Variants in PLCE1 observed in about 807,000 individuals in gnomAD.
The protein encoded by PLCE1 is 1-phosphatidylinositol 4,5-bisphosphate phosphodiesterase epsilon-1.
A neutral mutation model predicts 242.8 loss-of-function variants in PLCE1; 119 were observed. The observed-to-expected ratio is 0.49, with a 90% CI of 0.42 to 0.57. The LOEUF (loss-of-function observed/expected upper bound fraction) is 0.57. PLCE1 is among the 20% of genes least tolerant of loss of function. The pLI is 0.00. For missense variants in PLCE1, 2,441 were observed against 2,788.8 expected, an observed-to-expected ratio of 0.88 and a Z score of 2.81; for synonymous variants, 945 against 1,017.4, an observed-to-expected ratio of 0.93 and a Z score of 1.35.
chr10:94,052,733 G>A (rs2043799381), intron 2 of PLCE1, among the ~76,000 whole-genome samples: 1 of 151,962 alleles, frequency 6.6e-6, no homozygotes, highest in Admixed American at 6.6e-5. Context: ...TTATGGCTTT[G>A]GGAATAAAGG....
At chr10:94,002,389 C>T (rs770304663) in intron 1 of PLCE1, among the ~76,000 whole-genome samples, 1 of 152,144 alleles carries the variant, frequency 6.6e-6, no homozygotes, top group Non-Finnish European at 1.5e-5. Context: ...TGCAGGCATG[C>T]AAGCCCAGAT....
At chr10:94,239,630 G>A (rs2050436029) in intron 7 of PLCE1, among the ~76,000 whole-genome samples, 1 of 152,124 alleles carries the variant, frequency 6.6e-6, no homozygotes, top group Admixed American at 6.5e-5. Flanking sequence ...CCATTTCAGA[G>A]GCAATCCTCA....
At chr10:94,145,594 C>T (rs926488395) in intron 3 of PLCE1, among the ~76,000 whole-genome samples, 2 of 152,146 alleles carry the variant, frequency 1.3e-5, no homozygotes. Context: ...CCACTATTCT[C>T]CCTTGGCCCG....
intron 20 of PLCE1, among the ~76,000 whole-genome samples, chr10:94,282,164 G>C: frequency 6.7e-6 from 1 of 148,432 alleles, no homozygotes; most frequent in African/African-American, 2.5e-5. Flanking sequence ...CAGGGTGCCC[G>C]GTTTATCTCT....
Position 93,997,780 on chromosome 10 carries a change from G to A in PLCE1, c.-365+3522G>A, listed in dbSNP as rs139504994. Among the ~76,000 whole-genome samples the A allele has an allele frequency of 2.6e-3, 399 of 152,142 alleles. 2 individuals are homozygous for A. The highest frequency in any genetic ancestry group is 9.1e-3 in the African/African-American group (377 of 41,514). On this transcript the variant is annotated intron_variant, in intron 1 of 32. Transcript: ENST00000371380. The stretch of plus-strand genomic sequence containing the variant: ...GGATAGTTCAACCACCGTAATAGAC[G>A]TGCTTAGCAATTGTTTAGCTTGCCC...
At chr10:94,271,761 A>T (rs929917529) in intron 18 of PLCE1, among the ~76,000 whole-genome samples, 1 of 152,188 alleles carries the variant, frequency 6.6e-6, no homozygotes, top group South Asian at 2.1e-4. Context: ...GTTTCAACGT[A>T]GGTTCTTTCT....
intron 4 of PLCE1, among the ~76,000 whole-genome samples, chr10:94,197,150 A>G (rs1434768449): frequency 6.6e-6 from 1 of 152,196 alleles, no homozygotes; most frequent in Non-Finnish European, 1.5e-5. Context: ...GTTCATCAGC[A>G]TTGTAGCATG....
chr10:94,225,776 T>G (rs1175003146), intron 4 of PLCE1, among the ~76,000 whole-genome samples: 1 of 152,136 alleles, frequency 6.6e-6, no homozygotes, highest in Non-Finnish European at 1.5e-5. Flanking sequence ...TCTGGAAAAA[T>G]GGGGTTGCAC....
intron 3 of PLCE1, among the ~76,000 whole-genome samples, chr10:94,168,572 A>C (rs1464114698): frequency 6.6e-6 from 1 of 152,086 alleles, no homozygotes; most frequent in Non-Finnish European, 1.5e-5. Context: ...TTTATTCTTT[A>C]ATTTATTTGG....
At chr10:94,321,843 T>G in intron 29 of PLCE1, 58 bp from the exon 30 acceptor site, 2 of 1,357,582 alleles carry the variant, frequency 1.5e-6, no homozygotes, top group Non-Finnish European at 2.1e-6. Flanking sequence ...GCTAGATTTG[T>G]CTTTCTTTAT....
intron 4 of PLCE1, among the ~76,000 whole-genome samples, chr10:94,221,029 G>T (rs975578414): frequency 3.3e-5 from 5 of 152,190 alleles, no homozygotes; most frequent in Admixed American, 3.3e-4. Context: ...ACAATTTTGC[G>T]CTGGTACTAC....
At chr10:94,018,614 A>G (rs1358688504) in intron 1 of PLCE1, among the ~76,000 whole-genome samples, 1 of 152,218 alleles carries the variant, frequency 6.6e-6, no homozygotes, top group Non-Finnish European at 1.5e-5. Flanking sequence ...CTGTTGCACA[A>G]TTAGTATGCT....
At chr10:93,998,183 C>T (rs185911785) in intron 1 of PLCE1, among the ~76,000 whole-genome samples, 45 of 152,320 alleles carry the variant, frequency 3.0e-4, no homozygotes, top group African/African-American at 1.0e-3. Context: ...TTCTCCTCCT[C>T]AAGTAGTGGC....
chr10:94,256,169 A>G, intron 11 of PLCE1, among the ~76,000 whole-genome samples: 1 of 151,574 alleles, frequency 6.6e-6, no homozygotes, highest in Non-Finnish European at 1.5e-5. Context: ...CAAAAAGTAA[A>G]ACAATTAGCG....
At chr10:94,109,523 G>A (rs950012822) in intron 2 of PLCE1, among the ~76,000 whole-genome samples, 17 of 152,126 alleles carry the variant, frequency 1.1e-4, no homozygotes, top group African/African-American at 4.1e-4. Context: ...CAGGAGAATC[G>A]CTTGAACCTG....
chr10:94,204,603 G>C (rs1404796359), intron 4 of PLCE1, among the ~76,000 whole-genome samples: 1 of 152,040 alleles, frequency 6.6e-6, no homozygotes, highest in African/African-American at 2.4e-5. Flanking sequence ...GGTGGCGGAG[G>C]TTACAGTGAG....
At chr10:94,065,005 A>G (rs976349023) in intron 2 of PLCE1, among the ~76,000 whole-genome samples, 1 of 152,192 alleles carries the variant, frequency 6.6e-6, no homozygotes, top group African/African-American at 2.4e-5. Flanking sequence ...CACCAGGTTT[A>G]GTCCTAGCCT....
intron 4 of PLCE1, among the ~76,000 whole-genome samples, chr10:94,190,929 A>T (rs1221284330): frequency 1.3e-5 from 2 of 152,176 alleles, no homozygotes; most frequent in African/African-American, 4.8e-5. Flanking sequence ...CTAAGACATA[A>T]AGTGGGAGAG....
At position 94,132,343 on chromosome 10, in the gene PLCE1, G is replaced by A. The variant is rs1173503822; in HGVS notation, c.1376G>A (p.Arg459Lys). The A allele has an allele frequency of 6.2e-7, 1 of 1,613,912 alleles. No individual in the cohort carries two copies. Among genetic ancestry groups the A allele is most frequent in the African/African-American group, 1.3e-5 (1 of 74,894 alleles). The change falls in exon 3 of 33, where the codon AGG becomes AAG. Residue 459 changes from arginine to lysine, a missense_variant. Transcript: ENST00000371380. ...TGTGAGTATCGCGCCACCCTCCAAA[G>A]GACTTCAATATCGCAGTACATCACC... ...TVCEYRATLQ[R>K]TSISQYITGS... is the part of the protein sequence containing the mutation.
Sources: gnomAD v4.1 joint callset for allele counts (sites outside exome capture counted in the v4.1 genomes callset) on GRCh38, gnomAD v4.1.1 for gene constraint, MANE v1.5 for transcripts, NCBI Gene and HGNC (gene_info 2026-07-23, HGNC 2026-07-21) for gene names.